Variants in PCDHA1 observed in about 807,000 individuals in gnomAD.
PCDHA1 encodes the protein protocadherin alpha 1.
Under a neutral mutation model 61.3 loss-of-function variants are expected in PCDHA1, and 42 were observed. The observed-to-expected ratio is 0.69, with a 90% CI of 0.54 to 0.89. PCDHA1 has a LOEUF of 0.89. Ranked by LOEUF, PCDHA1 falls within the 40% of genes least tolerant of loss-of-function variation. PCDHA1 has a pLI of 0.00. For synonymous variants in PCDHA1, 610 were observed against 553.8 expected (o/e 1.10, Z -1.43); for missense variants, 1,256 against 1,235.3 (o/e 1.02, Z -0.25).
intron 1 of PCDHA1, chr5:140,878,017 G>A: frequency 1.2e-6 from 1 of 800,034 alleles, no homozygotes; most frequent in Non-Finnish European, 1.8e-6. Flanking sequence ...ATTAATGAAG[G>A]AAATATGTAG....
chr5:140,813,492 A>G (rs939104206), intron 1 of PCDHA1: 1 of 152,216 alleles, frequency 6.6e-6, no homozygotes, highest in Non-Finnish European at 1.5e-5. Flanking sequence ...TAAACATCTA[A>G]AAGGTACAGT....
At chr5:140,870,880 G>T in intron 1 of PCDHA1, 1 of 1,613,948 alleles carries the variant, frequency 6.2e-7, no homozygotes. Context: ...GGTGGCGAAG[G>T]TGCGCGCAGT....
At chr5:140,802,507 C>T (rs2149960519) in intron 1 of PCDHA1, 2 of 1,614,154 alleles carry the variant, frequency 1.2e-6, no homozygotes, top group Non-Finnish European at 1.7e-6. Flanking sequence ...TCACTGTGGG[C>T]CACGGCCAGC....
At chr5:140,912,125 T>C (rs1197015933) in intron 1 of PCDHA1, among the ~76,000 whole-genome samples, 1 of 152,160 alleles carries the variant, frequency 6.6e-6, no homozygotes, top group East Asian at 1.9e-4. Flanking sequence ...GCTAAGTCAG[T>C]CTAATCTCTC....
chr5:140,823,758 A>T (rs1767862573), intron 1 of PCDHA1: 3 of 1,613,872 alleles, frequency 1.9e-6, no homozygotes, highest in Non-Finnish European at 2.5e-6. Flanking sequence ...TGACAGCCAC[A>T]GCCACAGTGC....
rs868923213 is a variant in PCDHA1 at position 140,920,059 on chromosome 5, G to C, written c.2395-58890G>C. 3.9e-5 allele frequency among the ~76,000 whole-genome samples: 6 copies of C among 152,144 alleles called. No individual in the cohort carries two copies. The South Asian group carries it at 6.2e-4, about 16-fold the overall frequency. The stretch of plus-strand genomic sequence containing the variant: ...GTGATGTCAACAGCCACCAACACCT[G>C]GAAAAGGCAGAAACAGATTCTCCGT... On this transcript the variant is annotated intron_variant, in intron 1 of 3. Transcript: ENST00000504120.
rs2098415068 is a variant in PCDHA1, at chr5:141,009,865, AAAG to A, written c.2788_2790del (p.Lys930del). The A allele has an allele frequency of 3.1e-6, 5 of 1,614,074 alleles. No homozygotes were observed. The highest frequency in any genetic ancestry group is 4.5e-5 in the East Asian group (2 of 44,872). On this transcript the variant is annotated inframe_deletion, in exon 4 of 4. Transcript: ENST00000504120. ...AGGAGGAGACCAAGAAAAAGAAGAA[AAAG>A]AAGAAGGGTAACAAGACCCAGGAGA...
intron 1 of PCDHA1, chr5:140,929,108 C>T (rs1255119645): frequency 6.2e-7 from 1 of 1,614,080 alleles, no homozygotes; most frequent in African/African-American, 1.3e-5. Flanking sequence ...TGCATGACAT[C>T]AGCCACCATA....
intron 1 of PCDHA1, among the ~76,000 whole-genome samples, chr5:140,890,160 C>T (rs1554184178): frequency 1.3e-5 from 2 of 152,246 alleles, no homozygotes; most frequent in East Asian, 3.9e-4. Context: ...AGTATTTCTG[C>T]CACAGAAATA....
chr5:140,959,347 C>T (rs561977478), intron 1 of PCDHA1, among the ~76,000 whole-genome samples: 4 of 151,938 alleles, frequency 2.6e-5, no homozygotes, highest in Admixed American at 6.6e-5. Context: ...TGCACTCCAG[C>T]GGGACAACTG....
chr5:140,884,135 C>A (rs1554181269), intron 1 of PCDHA1: 1 of 1,613,422 alleles, frequency 6.2e-7, no homozygotes. Context: ...CATCCCGTTC[C>A]GCGTGGGGCT....
intron 1 of PCDHA1, chr5:140,927,673 G>C: frequency 6.2e-7 from 1 of 1,614,224 alleles, no homozygotes; most frequent in Non-Finnish European, 8.5e-7. Flanking sequence ...CTTGGATCCA[G>C]ATGAAGGGTC....
chr5:140,788,791 G>A, intron 1 of PCDHA1, 107 bp downstream of exon 1: 3 of 1,433,834 alleles, frequency 2.1e-6, no homozygotes, highest in Non-Finnish European at 2.8e-6. Flanking sequence ...GTTCACTAAC[G>A]TTGAAATAAA....
At chr5:140,964,699 G>A (rs2095849795) in intron 1 of PCDHA1, among the ~76,000 whole-genome samples, 1 of 151,922 alleles carries the variant, frequency 6.6e-6, no homozygotes, top group Non-Finnish European at 1.5e-5. Context: ...GAGAGATTAA[G>A]GCCTCCGAGA....
At chr5:140,809,054 C>T (rs1554124966) in intron 1 of PCDHA1, 2 of 1,613,890 alleles carry the variant, frequency 1.2e-6, no homozygotes, top group Non-Finnish European at 8.5e-7. Flanking sequence ...CATCCCGTTC[C>T]GCGTGGGGCT....
chr5:140,808,430 C>T (rs782400993), intron 1 of PCDHA1: 7 of 1,614,010 alleles, frequency 4.3e-6, no homozygotes, highest in African/African-American at 4.0e-5. Flanking sequence ...TGCCCTGGAC[C>T]GCGAGAGCGT....
chr5:140,912,007 C>A lies in PCDHA1; in HGVS notation c.2395-66942C>A, dbSNP rs572487277. Among the ~76,000 whole-genome samples, 3 of 152,282 alleles carry A rather than the reference C, an allele frequency of 2.0e-5. No homozygotes were observed. The East Asian group carries it at 5.8e-4, about 29-fold the overall frequency. On this transcript the variant is annotated intron_variant, in intron 1 of 3. Coordinates refer to ENST00000504120, the MANE Select transcript of PCDHA1 (RefSeq NM_018900.4). ...ACAAGGTCCCACAATAGGCCATCTGCAAGCTGAGGAGCAAGCAAGCCAATC... is the reference window on the plus strand; with the variant it reads ...ACAAGGTCCCACAATAGGCCATCTGAAAGCTGAGGAGCAAGCAAGCCAATC...
intron 1 of PCDHA1, chr5:140,967,680 GGCAGCTCTTCA>G: frequency 6.2e-7 from 1 of 1,614,228 alleles, no homozygotes; most frequent in East Asian, 2.2e-5. Flanking sequence ...GACCGGGAGA[GGCAGCTCTTCA>G]GCATAGATGC....
At chr5:140,889,113 G>C (rs1256051132) in intron 1 of PCDHA1, among the ~76,000 whole-genome samples, 1 of 151,370 alleles carries the variant, frequency 6.6e-6, no homozygotes, top group East Asian at 1.9e-4. Context: ...TTTATTCCAG[G>C]TGATACTGAT....
Sources: gnomAD v4.1 joint callset for allele counts (sites outside exome capture counted in the v4.1 genomes callset) on GRCh38, gnomAD v4.1.1 for gene constraint, MANE v1.5 for transcripts, NCBI Gene and HGNC (gene_info 2026-07-23, HGNC 2026-07-21) for gene names.